Variants in SKIC3 observed in about 807,000 individuals in gnomAD.
The protein encoded by SKIC3 is superkiller complex protein 3.
At chr5:95,484,929 C>T in the SKIC3 span, 1,155 of 1,455,064 alleles carry the variant, frequency 7.9e-4, 20 homozygotes, top group South Asian at 0.012. Context: ...AAAAAATTAC[C>T]GTTGGGCTTA....
chr5:95,516,107 C>G, the SKIC3 span, among the ~76,000 whole-genome samples: 1 of 152,068 alleles, frequency 6.6e-6, no homozygotes. Flanking sequence ...GTTTTAATCT[C>G]TAAATGAAAA....
chr5:95,511,177 G>A, the SKIC3 span, among the ~76,000 whole-genome samples: 4 of 152,202 alleles, frequency 2.6e-5, no homozygotes, highest in South Asian at 4.1e-4. Flanking sequence ...TTGGGAGTCC[G>A]AGGCGGGTGG....
the SKIC3 span, among the ~76,000 whole-genome samples, chr5:95,541,029 C>T: frequency 6.6e-6 from 1 of 152,118 alleles, no homozygotes; most frequent in East Asian, 1.9e-4. Flanking sequence ...TGCAATGGCA[C>T]AATCTCGGCT....
At chr5:95,547,310 C>T in the SKIC3 span, among the ~76,000 whole-genome samples, 3 of 152,144 alleles carry the variant, frequency 2.0e-5, no homozygotes, top group Non-Finnish European at 4.4e-5. Context: ...TATTCCTTAA[C>T]CTCTTCAGAT....
the SKIC3 span, chr5:95,467,787 C>G: frequency 6.3e-7 from 1 of 1,580,100 alleles, no homozygotes; most frequent in Non-Finnish European, 8.6e-7. Flanking sequence ...AACAATAACT[C>G]TAAAACCCTT....
At chr5:95,529,032 T>A in the SKIC3 span, 1 of 1,613,772 alleles carries the variant, frequency 6.2e-7, no homozygotes, top group Non-Finnish European at 8.5e-7. Flanking sequence ...CTTCTTTAGG[T>A]CTATGCATTT....
At chr5:95,513,644 G>T in the SKIC3 span, 2 of 1,613,528 alleles carry the variant, frequency 1.2e-6, no homozygotes, top group Admixed American at 3.3e-5. Context: ...AGCAATAAGA[G>T]CCTATAAAAG....
At chr5:95,513,693 C>T in the SKIC3 span, 5 of 1,540,060 alleles carry the variant, frequency 3.2e-6, no homozygotes, top group Non-Finnish European at 3.6e-6. Context: ...AAGACAGTAA[C>T]AATAATAATA....
chr5:95,519,606 T>C, the SKIC3 span, among the ~76,000 whole-genome samples: 9 of 152,030 alleles, frequency 5.9e-5, no homozygotes, highest in Non-Finnish European at 1.2e-4. Context: ...TAAATTCTTA[T>C]TTTGAGTTCA....
the SKIC3 span, among the ~76,000 whole-genome samples, chr5:95,481,784 C>G: frequency 6.6e-6 from 1 of 151,802 alleles, no homozygotes; most frequent in Non-Finnish European, 1.5e-5. Flanking sequence ...TTCAAATTAT[C>G]TAAAGCAGGG....
chr5:95,500,314 G>T, the SKIC3 span, among the ~76,000 whole-genome samples: 1 of 152,142 alleles, frequency 6.6e-6, no homozygotes, highest in African/African-American at 2.4e-5. Flanking sequence ...TACCAGAAGG[G>T]TTAAACCAGG....
chr5:95,484,838 G>A, the SKIC3 span: 45 of 1,613,686 alleles, frequency 2.8e-5, 1 homozygote, highest in Middle Eastern at 4.9e-4. Context: ...AGAATTTTTC[G>A]TCTTTAACTG....
chr5:95,530,107 C>G, the SKIC3 span: 2 of 1,613,276 alleles, frequency 1.2e-6, no homozygotes, highest in African/African-American at 1.3e-5. Flanking sequence ...AGGTTCCTAA[C>G]AGCATCTTCA....
At chr5:95,538,745 CT>C in the SKIC3 span, among the ~76,000 whole-genome samples, 14 of 151,978 alleles carry the variant, frequency 9.2e-5, no homozygotes, top group Non-Finnish European at 1.8e-4. Context: ...ACCATAAAGA[CT>C]TTTTTTCTAG....
chr5:95,494,794 C>A, the SKIC3 span: 2 of 1,613,550 alleles, frequency 1.2e-6, no homozygotes. Flanking sequence ...GTAATGCCTT[C>A]TAAATAAGAG....
chr5:95,509,574 C>G, the SKIC3 span: 1 of 1,566,042 alleles, frequency 6.4e-7, no homozygotes, highest in Non-Finnish European at 8.8e-7. Context: ...CTGCATCTAT[C>G]ACAATTAAAT....
chr5:95,482,087 C>T, the SKIC3 span, among the ~76,000 whole-genome samples: 18 of 152,262 alleles, frequency 1.2e-4, no homozygotes, highest in South Asian at 1.9e-3. Flanking sequence ...TCTAAAAGCA[C>T]TAAATACAGG....
the SKIC3 span, among the ~76,000 whole-genome samples, chr5:95,536,296 G>A: frequency 6.6e-6 from 1 of 152,208 alleles, no homozygotes; most frequent in Non-Finnish European, 1.5e-5. Context: ...ATTCATAACA[G>A]TGTTCTTATG....
chr5:95,470,801 T>A, the SKIC3 span, among the ~76,000 whole-genome samples: 2 of 151,806 alleles, frequency 1.3e-5, no homozygotes, highest in African/African-American at 4.9e-5. Flanking sequence ...TATTAGGTAC[T>A]GACTCAGAAA....
Sources: allele counts gnomAD v4.1 joint callset (sites outside exome capture counted in the v4.1 genomes callset), GRCh38; gene constraint gnomAD v4.1.1; transcripts MANE v1.5; gene names NCBI Gene and HGNC (gene_info 2026-07-23, HGNC 2026-07-21).